GPC3: variants seen among roughly 807,000 people sequenced by gnomAD.
GPC3 encodes the protein glypican-3.
In GPC3, 3 loss-of-function variants were observed where a neutral mutation model predicts 34.4. That is an observed-to-expected ratio of 0.09 (90% CI 0.04 to 0.23). The LOEUF (loss-of-function observed/expected upper bound fraction) is 0.23. Ranked by LOEUF, GPC3 falls within the 10% of genes least tolerant of loss-of-function variation. GPC3 has a pLI of 1.00. For missense variants in GPC3, 351 were observed against 445.6 expected (o/e 0.79, Z 1.91); for synonymous variants, 177 against 174.0 (o/e 1.02, Z -0.13).
At chrX:133,634,964 T>C (rs1258231008) in intron 6 of GPC3, among the ~76,000 whole-genome samples, 1 of 111,451 alleles carries the variant, frequency 9.0e-6, no homozygotes, top group African/African-American at 3.3e-5. Flanking sequence ...AGTAGAAAGC[T>C]AGCTATCTTT....
In GPC3 at chrX:133,670,910, T is replaced by G. The variant is rs1242575832; in HGVS notation, c.1293-9060A>C. On this transcript the variant is annotated intron_variant, in intron 5 of 7. Coordinates refer to ENST00000370818, the MANE Select transcript of GPC3 (RefSeq NM_004484.4). ...AAACAATTAGCTTCTTCTTTATTTA[T>G]GCACATATCTAAATAAAAATGTCTT... 37 of 364,879 alleles carry G rather than the reference T, an allele frequency of 1.0e-4. 1 individual carries two copies. Among genetic ancestry groups the G allele is most frequent in the Non-Finnish European group, 9.6e-6 (2 of 209,139 alleles). The allele number at this position is 364,879 out of a possible 1,213,427, so 30.1% of individuals were successfully genotyped here.
In GPC3 at chrX:133,621,865, C is replaced by T. The variant is rs758372288; in HGVS notation, c.1414-25266G>A. Among the ~76,000 whole-genome samples, 6 of 112,455 alleles carry T rather than the reference C, an allele frequency of 5.3e-5. No homozygotes were observed. The South Asian group carries it at 2.2e-3, about 42-fold the overall frequency. On this transcript the variant is annotated intron_variant, in intron 6 of 7. Coordinates refer to ENST00000370818, the MANE Select transcript of GPC3 (RefSeq NM_004484.4). Reference sequence around the variant, plus strand: ...GACAGACTGCCTCCTCTACTGGGTGCCTGATCCCCAAGTAGCCTAACTGGG... The same window carrying T: ...GACAGACTGCCTCCTCTACTGGGTGTCTGATCCCCAAGTAGCCTAACTGGG...
chrX:133,696,447 T>C (rs1312462726), intron 4 of GPC3, among the ~76,000 whole-genome samples: 1 of 112,519 alleles, frequency 8.9e-6, no homozygotes, highest in Non-Finnish European at 1.9e-5. Flanking sequence ...GCACAGGAAT[T>C]AAGCGTATTT....
At chrX:133,590,244 C>T (rs2069834604) in intron 7 of GPC3, among the ~76,000 whole-genome samples, 1 of 111,654 alleles carries the variant, frequency 9.0e-6, no homozygotes, top group Non-Finnish European at 1.9e-5. Context: ...TCTCGGACTT[C>T]CCAGCCACCA....
chrX:133,638,824 A>AAAAAAAAAAAG (rs2070454299), intron 6 of GPC3, among the ~76,000 whole-genome samples: 1 of 105,856 alleles, frequency 9.4e-6, no homozygotes, highest in African/African-American at 3.7e-5. Flanking sequence ...GATGAGCTAA[A>AAAAAAAAAAAG]AAAAAAAAAA....
intron 2 of GPC3, among the ~76,000 whole-genome samples, chrX:133,860,813 A>G (rs2075932754): frequency 8.9e-6 from 1 of 112,000 alleles, no homozygotes; most frequent in Non-Finnish European, 1.9e-5. Context: ...CTTTTAAAAA[A>G]TTGATTGGCC....
intron 2 of GPC3, among the ~76,000 whole-genome samples, chrX:133,943,313 ACTAT>A (rs1332277932): frequency 1.8e-5 from 2 of 112,530 alleles, no homozygotes; most frequent in African/African-American, 3.2e-5. Context: ...GACTTAAAAG[ACTAT>A]CTATTCTGAC....
intron 3 of GPC3, among the ~76,000 whole-genome samples, chrX:133,708,305 T>G (rs1172074996): frequency 8.9e-6 from 1 of 112,130 alleles, no homozygotes; most frequent in Non-Finnish European, 1.9e-5. Context: ...TTCTTAGTGA[T>G]GCCTTTTGCA....
At chrX:133,978,640 A>G (rs980635916) in intron 1 of GPC3, among the ~76,000 whole-genome samples, 11 of 112,116 alleles carry the variant, frequency 9.8e-5, no homozygotes, top group African/African-American at 2.9e-4. Flanking sequence ...ACCTTAGTAT[A>G]TTGGTAAAAA....
intron 2 of GPC3, chrX:133,763,701 T>C: frequency 1.9e-6 from 1 of 520,674 alleles, no homozygotes; most frequent in Non-Finnish European, 3.4e-6. Flanking sequence ...TTATATCAGC[T>C]CTTAAGCAAC....
At chrX:133,904,815 G>A (rs1327055974) in intron 2 of GPC3, among the ~76,000 whole-genome samples, 1 of 111,378 alleles carries the variant, frequency 9.0e-6, no homozygotes, top group Non-Finnish European at 1.9e-5. Context: ...TAAATAAGTA[G>A]CAATAAAAAA....
At chrX:133,934,343 G>A (rs899512073) in intron 2 of GPC3, among the ~76,000 whole-genome samples, 39 of 108,226 alleles carry the variant, frequency 3.6e-4, no homozygotes, top group Non-Finnish European at 6.1e-4. Context: ...TTACAGGCAC[G>A]CACCACCACG....
intron 7 of GPC3, among the ~76,000 whole-genome samples, chrX:133,541,467 T>C (rs1427861881): frequency 8.9e-6 from 1 of 111,918 alleles, no homozygotes; most frequent in Non-Finnish European, 1.9e-5. Flanking sequence ...ATCTTGATCA[T>C]CAGTGAGAAC....
At chrX:133,726,785 C>A (rs1008345263) in intron 3 of GPC3, among the ~76,000 whole-genome samples, 2 of 112,234 alleles carry the variant, frequency 1.8e-5, no homozygotes, top group African/African-American at 6.5e-5. Flanking sequence ...AGTGGCCACA[C>A]TGGCCACTGT....
chrX:133,953,277 C>G, intron 1 of GPC3, 66 bp from the exon 2 acceptor site: 1 of 858,702 alleles, frequency 1.2e-6, no homozygotes, highest in Non-Finnish European at 1.7e-6. Context: ...CACACCCACA[C>G]CACCCCCACC....
chrX:133,641,009 G>A (rs2070474907), intron 6 of GPC3, among the ~76,000 whole-genome samples: 1 of 109,036 alleles, frequency 9.2e-6, no homozygotes, highest in African/African-American at 3.4e-5. Context: ...GCTTGATTTA[G>A]TTTAGCTTTT....
At chrX:133,658,127 G>A (rs919661603) in intron 6 of GPC3, among the ~76,000 whole-genome samples, 2 of 111,842 alleles carry the variant, frequency 1.8e-5, no homozygotes, top group African/African-American at 6.5e-5. Flanking sequence ...GATTTAGTCA[G>A]GCATTCAGTG....
intron 2 of GPC3, among the ~76,000 whole-genome samples, chrX:133,768,424 A>C (rs2071874490): frequency 9.0e-6 from 1 of 111,150 alleles, no homozygotes; most frequent in South Asian, 3.9e-4. Flanking sequence ...GAGTATATAC[A>C]TACCTGAACA....
rs763968425 is a variant in GPC3, at chrX:133,596,466, A to G, written c.1547T>C (p.Val516Ala). 4.1e-6 allele frequency: 5 copies of G among 1,210,045 alleles called. No homozygotes were observed. Among genetic ancestry groups the G allele is most frequent in the Non-Finnish European group, 5.6e-6 (5 of 893,981 alleles). Residue 516 changes from valine (V) to alanine (A), a missense_variant, in exon 7 of 8, where the codon GTG becomes GCG. By Grantham distance (64) the Val-to-Ala change is moderately conservative. Transcript: ENST00000370818. Reference sequence around the variant, plus strand: ...TGCAAGGAAGCGGAGCTGATTCTTCACTTTTATCATTCCATCACCAGAGCC... The same window carrying G: ...TGCAAGGAAGCGGAGCTGATTCTTCGCTTTTATCATTCCATCACCAGAGCC... ...IGGSGDGMIK[V>A]KNQLRFLAEL...
Sources: gnomAD v4.1 joint callset for allele counts (sites outside exome capture counted in the v4.1 genomes callset) on GRCh38, gnomAD v4.1.1 for gene constraint, MANE v1.5 for transcripts, NCBI Gene and HGNC (gene_info 2026-07-23, HGNC 2026-07-21) for gene names.